Variants in EXD1 observed in about 807,000 individuals in gnomAD.
EXD1 encodes exonuclease 3'-5' domain containing 1.
Under a neutral mutation model 49.1 loss-of-function variants are expected in EXD1, and 63 were observed. That is an observed-to-expected ratio of 1.28 (90% confidence interval 1.05 to 1.58). EXD1 has a LOEUF of 1.58. EXD1 is among the 40% of genes most tolerant of loss of function. EXD1 has a pLI of 0.00. For missense variants in EXD1, 748 were observed against 666.0 expected, an observed-to-expected ratio of 1.12 and a Z score of -1.36; for synonymous variants, 234 against 239.2, an observed-to-expected ratio of 0.98 and a Z score of 0.20.
At chr15:41,227,624 T>G (rs549467313) in intron 1 of EXD1, among the ~76,000 whole-genome samples, 62 of 143,818 alleles carry the variant, frequency 4.3e-4, no homozygotes, top group Admixed American at 7.0e-4. Context: ...GAGCCGAGAT[T>G]TAGAGATCGC....
chr15:41,215,630 G>A (rs2046988203), intron 6 of EXD1, 145 bp downstream of exon 6: 2 of 748,918 alleles, frequency 2.7e-6, no homozygotes, highest in Admixed American at 4.4e-5. Flanking sequence ...AGCTTGCAGT[G>A]AGCCAAGATT....
intron 6 of EXD1, among the ~76,000 whole-genome samples, chr15:41,215,163 C>T (rs2046981268): frequency 6.6e-6 from 1 of 152,198 alleles, no homozygotes; most frequent in South Asian, 2.1e-4. Context: ...ACCTCCTTGT[C>T]ACTCTAGTCC....
intron 2 of EXD1, among the ~76,000 whole-genome samples, chr15:41,222,131 G>T (rs943512345): frequency 6.6e-6 from 1 of 151,610 alleles, no homozygotes; most frequent in Non-Finnish European, 1.5e-5. Context: ...ATTTTCAAAC[G>T]GGGCCAGGCA....
At chr15:41,223,856 C>G (rs2047124880) in intron 2 of EXD1, among the ~76,000 whole-genome samples, 2 of 151,664 alleles carry the variant, frequency 1.3e-5, no homozygotes, top group Admixed American at 6.6e-5. Context: ...CACAGCGAGA[C>G]TCTGTTTCAA....
At chr15:41,209,381 G>C in intron 7 of EXD1, 120 bp downstream of exon 7, 2 of 801,234 alleles carry the variant, frequency 2.5e-6, no homozygotes, top group Non-Finnish European at 4.1e-6. Context: ...CTGCACTGTG[G>C]CCTCAGTGAC....
intron 1 of EXD1, among the ~76,000 whole-genome samples, chr15:41,227,061 T>C (rs1011020992): frequency 6.6e-6 from 1 of 152,266 alleles, no homozygotes; most frequent in African/African-American, 2.4e-5. Flanking sequence ...CTATTTTTTA[T>C]AACTCTGGTT....
At chr15:41,227,009 T>C (rs1403362627) in intron 1 of EXD1, among the ~76,000 whole-genome samples, 2 of 152,212 alleles carry the variant, frequency 1.3e-5, no homozygotes, top group African/African-American at 4.8e-5. Flanking sequence ...TGCCAATACA[T>C]GTTGCAATAA....
chr15:41,193,359 G>C (rs2046560752), intron 9 of EXD1, among the ~76,000 whole-genome samples: 1 of 152,146 alleles, frequency 6.6e-6, no homozygotes, highest in Admixed American at 6.6e-5. Context: ...TATAGTGCCA[G>C]CTAGTCGGGA....
chr15:41,213,881 T>G (rs1416618252), intron 6 of EXD1, among the ~76,000 whole-genome samples: 1 of 152,246 alleles, frequency 6.6e-6, no homozygotes, highest in Non-Finnish European at 1.5e-5. Context: ...AAATAAATTG[T>G]ATGGCATGTG....
chr15:41,203,117 A>G (rs1314965103), intron 7 of EXD1, among the ~76,000 whole-genome samples: 1 of 152,160 alleles, frequency 6.6e-6, no homozygotes, highest in Non-Finnish European at 1.5e-5. Flanking sequence ...ACTGACAGAA[A>G]GAAAGCAGAT....
At chr15:41,228,931 C>G (rs1358775546) in intron 1 of EXD1, among the ~76,000 whole-genome samples, 1 of 151,940 alleles carries the variant, frequency 6.6e-6, no homozygotes, top group Non-Finnish European at 1.5e-5. Context: ...GCAAAGAAAG[C>G]TTTGACTGGA....
Position 41,216,304 on chromosome 15 carries a change from T to TAAA in EXD1, c.388+361_388+363dup, listed in dbSNP as rs539573586. On this transcript the variant is annotated intron_variant, in intron 5 of 11. Transcript: ENST00000458580. ...CCTAGTTGAATTTGACTGACCTGGT[T>TAAA]AAAAAAAAAAAAAAGAGAGAGAGAG... Among the ~76,000 whole-genome samples the TAAA allele has an allele frequency of 2.2e-5, 3 of 137,574 alleles. 1 individual carries two copies. The highest frequency in any genetic ancestry group is 1.5e-4 in the Admixed American group (2 of 13,716). The allele number at this position is 137,574 out of a possible 152,430, so 90.3% of individuals were successfully genotyped here.
intron 7 of EXD1, among the ~76,000 whole-genome samples, chr15:41,203,717 CACCAGCCTGCCCA>C (rs2046770349): frequency 6.7e-6 from 1 of 149,782 alleles, no homozygotes; most frequent in Admixed American, 6.7e-5. Flanking sequence ...AGGAGTTCGA[CACCAGCCTGCCCA>C]ACATGGTGAA....
chr15:41,199,148 G>A (rs957500025), intron 7 of EXD1, among the ~76,000 whole-genome samples: 8 of 151,966 alleles, frequency 5.3e-5, no homozygotes, highest in Non-Finnish European at 7.4e-5. Context: ...TAGTAGAGAC[G>A]GGATTTTACC....
Position 41,226,555 on chromosome 15 carries a change from G to A in EXD1, c.21C>T (p.Tyr7=). 1 of 1,536,028 alleles carries A rather than the reference G, an allele frequency of 6.5e-7. No individual in the cohort carries two copies. ...TCCACAAAATCTGGCTGAGGAAATG[G>A]TAGTCACTGCTGGGGTCCATGCTAA... MDPSSD[Y]HFLSQILWKR... The change falls in exon 2 of 12, where the codon TAC becomes TAT. Residue 7 remains tyrosine, a synonymous_variant. Coordinates refer to ENST00000458580, the MANE Select transcript of EXD1 (RefSeq NM_001286441.2).
chr15:41,200,375 T>C (rs2046709341), intron 7 of EXD1, among the ~76,000 whole-genome samples: 1 of 151,942 alleles, frequency 6.6e-6, no homozygotes, highest in African/African-American at 2.4e-5. Context: ...ATACAAAAAT[T>C]AGTTGGGCGT....
intron 11 of EXD1, among the ~76,000 whole-genome samples, chr15:41,188,697 C>T (rs2046455062): frequency 6.6e-6 from 1 of 151,656 alleles, no homozygotes. Flanking sequence ...TGGCCCTGGC[C>T]CTTTTTTTTG....
At chr15:41,198,212 C>T (rs2046646025) in intron 7 of EXD1, among the ~76,000 whole-genome samples, 1 of 152,050 alleles carries the variant, frequency 6.6e-6, no homozygotes, top group South Asian at 2.1e-4. Flanking sequence ...CTGGGGGCTC[C>T]TAGATGCTCC....
chr15:41,190,178 A>C (rs746905383), intron 10 of EXD1, 50 bp from the exon 11 acceptor site: 3 of 1,597,914 alleles, frequency 1.9e-6, no homozygotes, highest in Non-Finnish European at 2.6e-6. Flanking sequence ...GACTTTAAAG[A>C]AAATAACTGT....
Sources: gnomAD v4.1 joint callset for allele counts (sites outside exome capture counted in the v4.1 genomes callset) on GRCh38, gnomAD v4.1.1 for gene constraint, MANE v1.5 for transcripts, NCBI Gene and HGNC (gene_info 2026-07-23, HGNC 2026-07-21) for gene names.